HS6ST3: variants seen among roughly 807,000 people sequenced by gnomAD.
HS6ST3 encodes heparan sulfate 6-O-sulfotransferase 3.
HS6ST3 carries 12 observed loss-of-function variants against 36.7 expected under a neutral mutation model. The ratio of observed to expected loss-of-function variants is 0.33; its 90% CI spans 0.21 to 0.53. HS6ST3 has a LOEUF of 0.53. Ranked by LOEUF, HS6ST3 falls within the 20% of genes least tolerant of loss-of-function variation. The probability of loss-of-function intolerance (pLI) is 0.95; values close to 1 mark genes in which losing one functional copy is unlikely to be tolerated. For missense variants in HS6ST3, 584 were observed against 640.9 expected (o/e 0.91, Z 0.96); for synonymous variants, 240 against 257.5 (o/e 0.93, Z 0.65).
chr13:96,526,843 C>T (rs1594800144), intron 1 of HS6ST3, among the ~76,000 whole-genome samples: 1 of 152,244 alleles, frequency 6.6e-6, no homozygotes, highest in Admixed American at 6.5e-5. Context: ...GGCTGCTGAA[C>T]ACTTGAAATG....
intron 1 of HS6ST3, among the ~76,000 whole-genome samples, chr13:96,249,783 G>A (rs530912891): frequency 6.6e-6 from 1 of 152,202 alleles, no homozygotes; most frequent in African/African-American, 2.4e-5. Context: ...ATGAAATTCT[G>A]ATGTATGCTA....
chr13:96,528,828 T>C (rs980883621), intron 1 of HS6ST3, among the ~76,000 whole-genome samples: 2 of 152,124 alleles, frequency 1.3e-5, no homozygotes, highest in Non-Finnish European at 2.9e-5. Flanking sequence ...TCAGTGAAAA[T>C]AACATATTAA....
At chr13:96,495,855 A>T (rs1469575207) in intron 1 of HS6ST3, among the ~76,000 whole-genome samples, 1 of 152,318 alleles carries the variant, frequency 6.6e-6, no homozygotes, top group South Asian at 2.1e-4. Context: ...TAATGTTTGG[A>T]TGTATTCTCC....
At chr13:96,619,160 T>C (rs953214388) in intron 1 of HS6ST3, among the ~76,000 whole-genome samples, 30 of 152,206 alleles carry the variant, frequency 2.0e-4, no homozygotes, top group African/African-American at 7.0e-4. Context: ...TCCATTGAAG[T>C]GTATGAATGT....
chr13:96,124,721 TTAAC>T (rs1400332389), intron 1 of HS6ST3, among the ~76,000 whole-genome samples: 14 of 152,316 alleles, frequency 9.2e-5, no homozygotes, highest in African/African-American at 3.4e-4. Flanking sequence ...AAGACCTGGT[TTAAC>T]TAAGCAGTTT....
At chr13:96,275,816 A>G (rs765182020) in intron 1 of HS6ST3, among the ~76,000 whole-genome samples, 1 of 151,518 alleles carries the variant, frequency 6.6e-6, no homozygotes, top group Non-Finnish European at 1.5e-5. Flanking sequence ...GAAATTAAAT[A>G]ATCCAAATGC....
At chr13:96,810,361 C>T (rs1282117506) in intron 1 of HS6ST3, among the ~76,000 whole-genome samples, 2 of 152,258 alleles carry the variant, frequency 1.3e-5, no homozygotes, top group East Asian at 1.9e-4. Context: ...TTCCCCACCC[C>T]CAACCAGGCA....
At chr13:96,728,246 A>C (rs1876054747) in intron 1 of HS6ST3, among the ~76,000 whole-genome samples, 1 of 152,234 alleles carries the variant, frequency 6.6e-6, no homozygotes, top group Non-Finnish European at 1.5e-5. Context: ...AAGTGGGATT[A>C]GTTCCAGTTG....
At chr13:96,203,652 T>C (rs745670426) in intron 1 of HS6ST3, among the ~76,000 whole-genome samples, 1 of 152,216 alleles carries the variant, frequency 6.6e-6, no homozygotes, top group African/African-American at 2.4e-5. Flanking sequence ...AGCTGACTGT[T>C]CACGTGGGAA....
intron 1 of HS6ST3, among the ~76,000 whole-genome samples, chr13:96,217,872 G>GTGGA (rs1237889690): frequency 6.6e-6 from 1 of 152,024 alleles, no homozygotes; most frequent in African/African-American, 2.4e-5. Flanking sequence ...AGATGAATGG[G>GTGGA]TGGATGGATG....
intron 1 of HS6ST3, among the ~76,000 whole-genome samples, chr13:96,373,859 T>A (rs1038797035): frequency 6.6e-6 from 1 of 152,226 alleles, no homozygotes; most frequent in African/African-American, 2.4e-5. Context: ...CACTACTATG[T>A]CTGACTATCA....
intron 1 of HS6ST3, among the ~76,000 whole-genome samples, chr13:96,761,751 A>G (rs1201492566): frequency 6.6e-6 from 1 of 152,164 alleles, no homozygotes; most frequent in Non-Finnish European, 1.5e-5. Flanking sequence ...TGTGAATGGA[A>G]CACACATAAT....
intron 1 of HS6ST3, among the ~76,000 whole-genome samples, chr13:96,354,797 A>G (rs1848494886): frequency 6.6e-6 from 1 of 152,220 alleles, no homozygotes; most frequent in East Asian, 1.9e-4. Flanking sequence ...AAAAAAGTCC[A>G]TTAAAATCGA....
At chr13:96,430,041 A>G (rs774623870) in intron 1 of HS6ST3, among the ~76,000 whole-genome samples, 4 of 152,216 alleles carry the variant, frequency 2.6e-5, no homozygotes, top group Non-Finnish European at 4.4e-5. Context: ...TGCTTTCACA[A>G]TTTGATTTAA....
intron 1 of HS6ST3, among the ~76,000 whole-genome samples, chr13:96,202,118 T>TA (rs921763986): frequency 6.6e-6 from 1 of 152,216 alleles, no homozygotes; most frequent in Non-Finnish European, 1.5e-5. Flanking sequence ...GCAGTGGCTA[T>TA]AAAAAATTAT....
At chr13:96,398,252 C>T (rs532909794) in intron 1 of HS6ST3, among the ~76,000 whole-genome samples, 4 of 152,186 alleles carry the variant, frequency 2.6e-5, no homozygotes, top group African/African-American at 7.2e-5. Context: ...TGCCTTGTCT[C>T]ATTTTAGTTC....
At chr13:96,282,910 A>G (rs1056674312) in intron 1 of HS6ST3, among the ~76,000 whole-genome samples, 2 of 152,148 alleles carry the variant, frequency 1.3e-5, no homozygotes, top group African/African-American at 4.8e-5. Context: ...TTATTGTTTA[A>G]TGTAAAATAG....
intron 1 of HS6ST3, among the ~76,000 whole-genome samples, chr13:96,389,376 C>T (rs943091761): frequency 3.3e-5 from 5 of 151,856 alleles, no homozygotes; most frequent in Non-Finnish European, 7.4e-5. Flanking sequence ...CTCAAATATG[C>T]ACAATAAAAT....
intron 1 of HS6ST3, among the ~76,000 whole-genome samples, chr13:96,757,744 T>C (rs1380997826): frequency 6.6e-6 from 1 of 152,126 alleles, no homozygotes; most frequent in Non-Finnish European, 1.5e-5. Context: ...TTTTTCTCCT[T>C]TTTTTAATGA....
Sources: allele counts gnomAD v4.1 joint callset (sites outside exome capture counted in the v4.1 genomes callset), GRCh38; gene constraint gnomAD v4.1.1; transcripts MANE v1.5; gene names NCBI Gene and HGNC (gene_info 2026-07-23, HGNC 2026-07-21).